The following DNTT variants were observed in gnomAD, a reference collection of about 807,000 sequenced individuals.
DNTT encodes nucleosidetriphosphate:DNA deoxynucleotidylexotransferase.
Under a neutral mutation model 60.9 loss-of-function variants are expected in DNTT, and 47 were observed. The ratio of observed to expected loss-of-function variants is 0.77; its 90% CI spans 0.61 to 0.98. The LOEUF (loss-of-function observed/expected upper bound fraction) is 0.98, where lower values mean the gene tolerates loss of function less well. Ranked by LOEUF, DNTT falls within the 50% of genes least tolerant of loss-of-function variation. DNTT has a pLI of 0.00. For synonymous variants in DNTT, 224 were observed against 221.2 expected, an observed-to-expected ratio of 1.01 and a Z score of -0.11; for missense variants, 665 against 627.5, an observed-to-expected ratio of 1.06 and a Z score of -0.64.
chr10:96,306,973 G>A (rs565215285), intron 1 of DNTT, among the ~76,000 whole-genome samples: 12 of 152,326 alleles, frequency 7.9e-5, no homozygotes, highest in African/African-American at 2.6e-4. Flanking sequence ...CTCAAATCCT[G>A]GCTCTGAGCC....
chr10:96,327,514 A>C lies in DNTT; in HGVS notation c.921A>C (p.Glu307Asp), dbSNP rs34175187. ...TTGTCAGCTGTGTGACCAGGGCAGA[A>C]GCAGAGGCCGTCAGTGTGCTGGTTA... ...EDLVSCVTRA[E>D]AEAVSVLVKE... Residue 307 changes from glutamate (E) to aspartate (D), a missense_variant, in exon 7 of 11, where the codon GAA (glutamate) becomes GAC (aspartate). Transcript: ENST00000371174. The C allele has an allele frequency of 1.2e-3, 1,905 of 1,614,130 alleles. 2 individuals carry two copies. Among genetic ancestry groups the C allele is most frequent in the Admixed American group, 1.4e-3 (83 of 60,024 alleles).
At chr10:96,315,699 G>A (rs1844777971) in intron 1 of DNTT, among the ~76,000 whole-genome samples, 4 of 151,502 alleles carry the variant, frequency 2.6e-5, no homozygotes, top group African/African-American at 9.7e-5. Flanking sequence ...CCCTCTCAGG[G>A]TTAGGTAAAA....
intron 1 of DNTT, among the ~76,000 whole-genome samples, chr10:96,314,261 C>A (rs1257202685): frequency 6.6e-6 from 1 of 151,976 alleles, no homozygotes; most frequent in African/African-American, 2.4e-5. Flanking sequence ...GTGAGCAGCT[C>A]CCTCCTTTTC....
At chr10:96,334,401 G>C (rs1156399031) in intron 9 of DNTT, among the ~76,000 whole-genome samples, 1 of 152,214 alleles carries the variant, frequency 6.6e-6, no homozygotes, top group African/African-American at 2.4e-5. Flanking sequence ...TCACTCACAG[G>C]AGAGGACACC....
chr10:96,314,087 T>C (rs1196510130), intron 1 of DNTT, among the ~76,000 whole-genome samples: 1 of 152,200 alleles, frequency 6.6e-6, no homozygotes, highest in Non-Finnish European at 1.5e-5. Flanking sequence ...ATATTGTACA[T>C]AAAATAGCAA....
At chr10:96,333,481 G>A (rs1845031729) in intron 9 of DNTT, among the ~76,000 whole-genome samples, 3 of 152,224 alleles carry the variant, frequency 2.0e-5, no homozygotes, top group Admixed American at 2.0e-4. Context: ...CAAAGGAAAT[G>A]AACTCAGTAT....
Position 96,332,339 on chromosome 10 carries a change from G to A in DNTT, c.1114-12G>A. ...CAGGGCCTTTTCCTGATGCCATTCT[G>A]TTTCTTTTCAGGGATTACTTTTATA... On this transcript the variant is annotated splice_polypyrimidine_tract_variant and intron_variant, in intron 8 of 10. Coordinates refer to ENST00000371174, the MANE Select transcript of DNTT (RefSeq NM_004088.4). 1 of 1,610,630 alleles carries A rather than the reference G, an allele frequency of 6.2e-7. No homozygotes were observed. Among genetic ancestry groups the A allele is most frequent in the Non-Finnish European group, 8.5e-7 (1 of 1,177,502 alleles).
chr10:96,304,556 G>A lies in DNTT; in HGVS notation c.59G>A (p.Gly20Asp). The A allele has an allele frequency of 6.2e-7, 1 of 1,614,110 alleles. No individual in the cohort carries two copies. Among genetic ancestry groups the A allele is most frequent in the Non-Finnish European group, 8.5e-7 (1 of 1,180,000 alleles). ...SPRKKRPRQTGALMASSPQDI... is the reference protein window; with the variant it reads ...SPRKKRPRQTDALMASSPQDI... The stretch of plus-strand genomic sequence containing the variant: ...CGGAAGAAGAGACCCCGGCAGACGG[G>A]TGCCTTGATGGCCTCCTCTCCTCAA... Residue 20 changes from glycine (G) to aspartate (D), a missense_variant, in exon 1 of 11, where the codon GGT becomes GAT. Transcript: ENST00000371174.
chr10:96,322,136 G>A (rs1844887940), intron 4 of DNTT, among the ~76,000 whole-genome samples: 1 of 152,156 alleles, frequency 6.6e-6, no homozygotes. Flanking sequence ...CCCCAGCAAA[G>A]CAAGTTGGTC....
At chr10:96,313,732 T>G (rs931831573) in intron 1 of DNTT, among the ~76,000 whole-genome samples, 2 of 152,234 alleles carry the variant, frequency 1.3e-5, no homozygotes, top group East Asian at 1.9e-4. Context: ...CAGTATTTAT[T>G]GTTGGTTACT....
intron 6 of DNTT, 38 bp downstream of exon 6, chr10:96,324,427 C>T: frequency 6.2e-7 from 1 of 1,610,224 alleles, no homozygotes; most frequent in Admixed American, 1.7e-5. Context: ...TTGCTATGGG[C>T]TGGTCGGGTC....
intron 4 of DNTT, 23 bp from the exon 5 acceptor site, chr10:96,322,634 A>G: frequency 6.4e-7 from 1 of 1,568,754 alleles, no homozygotes; most frequent in Non-Finnish European, 8.7e-7. Context: ...ACTAATTTAA[A>G]ATATTTTTCA....
chr10:96,320,725 C>A lies in DNTT; in HGVS notation c.615C>A (p.Ile205=). ...ASVLKSLPFT[I]ISMKDTEGIP... is the part of the protein sequence containing the mutation. ...TATTGAAATCTCTGCCATTCACAAT[C>A]ATCAGTATGAAGGACACAGAAGGAA... The change falls in exon 4 of 11, where the codon ATC becomes ATA. Residue 205 remains isoleucine (I), a synonymous_variant. Transcript: ENST00000371174. The A allele has an allele frequency of 6.2e-7, 1 of 1,613,864 alleles. No homozygotes were observed. The highest frequency in any genetic ancestry group is 8.5e-7 in the Non-Finnish European group (1 of 1,179,806).
At chr10:96,314,573 C>T (rs1199609733) in intron 1 of DNTT, among the ~76,000 whole-genome samples, 1 of 151,540 alleles carries the variant, frequency 6.6e-6, no homozygotes, top group Non-Finnish European at 1.5e-5. Flanking sequence ...CCACCACGCC[C>T]AGCTAATTTT....
chr10:96,328,891 C>T lies in DNTT; in HGVS notation c.1113+61C>T, dbSNP rs112656942. The T allele has an allele frequency of 3.3e-5, 49 of 1,504,842 alleles. No individual in the cohort carries two copies. In the African/African-American group the frequency reaches 6.5e-4, roughly 20 times the overall value. 93.2% of individuals were successfully genotyped at this position (1,504,842 alleles called of 1,614,324 possible). On this transcript the variant is annotated intron_variant, in intron 8 of 10. Coordinates refer to ENST00000371174, the MANE Select transcript of DNTT (RefSeq NM_004088.4). Reference sequence around the variant, plus strand: ...ACATTATGTTAACACTTGAATTTTGCACATTACTTGCCTTATAATTGTGTA... The same window carrying T: ...ACATTATGTTAACACTTGAATTTTGTACATTACTTGCCTTATAATTGTGTA...
Position 96,319,304 on chromosome 10 carries a change from A to G in DNTT, c.421A>G (p.Lys141Glu). ...AGATAGCACCAACCCAGGCCCCCCG[A>G]AGACTCCACCAATTGCTGTACAAAA... ...YSDSTNPGPP[K>E]TPPIAVQKIS... is the part of the protein sequence containing the mutation. The change falls in exon 3 of 11, where the codon AAG (lysine) becomes GAG (glutamate). Residue 141 changes from lysine (K) to glutamate (E), a missense_variant. By Grantham distance (56) the Lys-to-Glu change is moderately conservative. Transcript: ENST00000371174. 6.2e-7 allele frequency: 1 copy of G among 1,613,926 alleles called. No individual in the cohort carries two copies. Among genetic ancestry groups the G allele is most frequent in the Non-Finnish European group, 8.5e-7 (1 of 1,179,814 alleles).
At position 96,328,705 on chromosome 10, in the gene DNTT, A is replaced by T; in HGVS notation, c.1008-20A>T. 1 of 1,607,064 alleles carries T rather than the reference A, an allele frequency of 6.2e-7. No individual in the cohort carries two copies. The highest frequency in any genetic ancestry group is 8.5e-7 in the Non-Finnish European group (1 of 1,176,976). ...CTAATATCTAATTGATTTCCATTTT[A>T]TACTGCTTTTGAAAATTAGGGGTAA... is the stretch of plus-strand genomic sequence containing the variant. On this transcript the variant is annotated intron_variant, in intron 7 of 10. Coordinates refer to ENST00000371174, the MANE Select transcript of DNTT (RefSeq NM_004088.4).
intron 4 of DNTT, among the ~76,000 whole-genome samples, chr10:96,321,674 G>A (rs1405511218): frequency 6.6e-6 from 1 of 152,050 alleles, no homozygotes; most frequent in African/African-American, 2.4e-5. Context: ...AGACCATCAC[G>A]GAATTGCCTC....
At chr10:96,319,156 A>G in intron 2 of DNTT, 106 bp from the exon 3 acceptor site, 1 of 1,314,108 alleles carries the variant, frequency 7.6e-7, no homozygotes, top group Non-Finnish European at 1.0e-6. Flanking sequence ...TGAGTCTCCT[A>G]TAATTTTATC....
Sources: gnomAD v4.1 joint callset for allele counts (sites outside exome capture counted in the v4.1 genomes callset) on GRCh38, gnomAD v4.1.1 for gene constraint, MANE v1.5 for transcripts, NCBI Gene and HGNC (gene_info 2026-07-23, HGNC 2026-07-21) for gene names.